RNLS: variants seen among roughly 807,000 people sequenced by gnomAD.
The protein encoded by RNLS is renalase.
In RNLS, 39 loss-of-function variants were observed where a neutral mutation model predicts 39.8. The ratio of observed to expected loss-of-function variants is 0.98; its 90% CI spans 0.76 to 1.28. RNLS has a LOEUF of 1.28. Ranked by LOEUF, RNLS falls within the 50% of genes most tolerant of loss-of-function variation. RNLS has a pLI of 0.00. For missense variants in RNLS, 410 were observed against 413.3 expected (o/e 0.99, Z 0.07); for synonymous variants, 147 against 150.7 (o/e 0.98, Z 0.18).
chr10:88,246,343 T>A, the RNLS span, among the ~76,000 whole-genome samples: 1 of 152,196 alleles, frequency 6.6e-6, no homozygotes, highest in Admixed American at 6.5e-5. Flanking sequence ...GTCATGAACC[T>A]CTCAGCTCAT....
At chr10:88,266,732 CACA>C in the RNLS span, among the ~76,000 whole-genome samples, 717 of 149,214 alleles carry the variant, frequency 4.8e-3, 2 homozygotes, top group Non-Finnish European at 8.3e-3. Context: ...CACACACACA[CACA>C]CCCCACACAC....
At chr10:88,361,820 T>G (rs1004047587) in intron 5 of RNLS, among the ~76,000 whole-genome samples, 26 of 152,332 alleles carry the variant, frequency 1.7e-4, no homozygotes, top group African/African-American at 5.0e-4. Context: ...TTTAGTCATT[T>G]TACATCCTTA....
At chr10:88,373,801 T>C (rs916299313) in intron 4 of RNLS, among the ~76,000 whole-genome samples, 22 of 152,106 alleles carry the variant, frequency 1.4e-4, no homozygotes, top group African/African-American at 5.1e-4. Flanking sequence ...CATTTTCCCT[T>C]ATTTCCCACC....
At chr10:88,443,805 G>A (rs1841872194) in intron 4 of RNLS, among the ~76,000 whole-genome samples, 2 of 152,252 alleles carry the variant, frequency 1.3e-5, no homozygotes, top group South Asian at 4.1e-4. Context: ...GGCTTGAGTA[G>A]GTAAACAAAG....
rs550138837 is a variant in RNLS at position 88,563,934 on chromosome 10, C to G, written c.526+8969G>C. On this transcript the variant is annotated intron_variant, in intron 4 of 6. Transcript: ENST00000331772. The stretch of plus-strand genomic sequence containing the variant: ...ACTTTTCTACATTGAAATAAAGTAG[C>G]ATTTCCTTAATTTGTGGTTGTATTT... 1.2e-4 allele frequency among the ~76,000 whole-genome samples: 18 copies of G among 152,212 alleles called. No homozygotes were observed. In the South Asian group the frequency reaches 3.7e-3, roughly 32 times the overall value.
intron 5 of RNLS, among the ~76,000 whole-genome samples, chr10:88,343,232 G>A (rs969244206): frequency 1.3e-5 from 2 of 152,172 alleles, no homozygotes; most frequent in South Asian, 4.1e-4. Context: ...GGAAAAGCCA[G>A]TTAAAATAAG....
chr10:88,313,070 G>C (rs1174390929), intron 6 of RNLS, among the ~76,000 whole-genome samples: 2 of 152,072 alleles, frequency 1.3e-5, no homozygotes, highest in East Asian at 3.9e-4. Flanking sequence ...TCATTGCTAG[G>C]GTTTGGAGGT....
intron 4 of RNLS, among the ~76,000 whole-genome samples, chr10:88,555,429 C>A (rs746386086): frequency 2.0e-5 from 3 of 151,774 alleles, no homozygotes; most frequent in Non-Finnish European, 4.4e-5. Flanking sequence ...TGCCTTGGTG[C>A]CTTCCCTATG....
chr10:88,523,914 A>G lies in RNLS; in HGVS notation c.526+48989T>C, dbSNP rs188713153. Among the ~76,000 whole-genome samples the G allele has an allele frequency of 2.3e-3, 355 of 152,218 alleles. 2 individuals are homozygous for G. Among genetic ancestry groups the G allele is most frequent in the African/African-American group, 7.9e-3 (330 of 41,558 alleles). On this transcript the variant is annotated intron_variant, in intron 4 of 6. Coordinates refer to ENST00000331772, the MANE Select transcript of RNLS (RefSeq NM_001031709.3). ...CTGCCGACCTACATCTTCCTGGTAC[A>G]TGGATTTTCCACAAGGATCACTGTC...
the RNLS span, among the ~76,000 whole-genome samples, chr10:88,250,808 C>CG: frequency 6.6e-6 from 1 of 152,182 alleles, no homozygotes; most frequent in Non-Finnish European, 1.5e-5. Flanking sequence ...ACTCAAACTT[C>CG]AATAGCTTGA....
intron 4 of RNLS, among the ~76,000 whole-genome samples, chr10:88,366,169 G>T (rs1428858969): frequency 2.6e-5 from 4 of 152,142 alleles, no homozygotes; most frequent in Admixed American, 2.6e-4. Context: ...CAGGTAAAGG[G>T]ATACATAACA....
chr10:88,573,307 A>G (rs1288385960), intron 3 of RNLS, among the ~76,000 whole-genome samples: 1 of 152,228 alleles, frequency 6.6e-6, no homozygotes, highest in East Asian at 1.9e-4. Context: ...TAGTGATAAA[A>G]ATAAAAATAA....
At chr10:88,192,073 A>G in the RNLS span, among the ~76,000 whole-genome samples, 2 of 151,928 alleles carry the variant, frequency 1.3e-5, no homozygotes, top group Admixed American at 6.6e-5. Context: ...ACAAGTACGT[A>G]AGGCACTTTC....
intron 6 of RNLS, among the ~76,000 whole-genome samples, chr10:88,278,623 A>G (rs1285022706): frequency 1.3e-5 from 2 of 152,160 alleles, no homozygotes; most frequent in Non-Finnish European, 2.9e-5. Context: ...CATACACAAC[A>G]TACCAACTAC....
At chr10:88,306,136 C>A (rs1236760977) in intron 6 of RNLS, among the ~76,000 whole-genome samples, 1 of 151,988 alleles carries the variant, frequency 6.6e-6, no homozygotes, top group Admixed American at 6.6e-5. Flanking sequence ...TTAATGAGAA[C>A]AACGATACAA....
Position 88,569,098 on chromosome 10 carries a change from G to T in RNLS, c.526+3805C>A, listed in dbSNP as rs566327528. 2.0e-5 allele frequency among the ~76,000 whole-genome samples: 3 copies of T among 152,276 alleles called. No homozygotes were observed. The East Asian group carries it at 5.8e-4, about 29-fold the overall frequency. On this transcript the variant is annotated intron_variant, in intron 4 of 6. Coordinates refer to ENST00000331772, the MANE Select transcript of RNLS (RefSeq NM_001031709.3). The stretch of plus-strand genomic sequence containing the variant: ...AACATTCTGCACCCAGACCCTTGAT[G>T]TGAACATAATATGGTGTACCCTTCT...
At chr10:88,485,921 A>T (rs1042630103) in intron 4 of RNLS, among the ~76,000 whole-genome samples, 5 of 152,118 alleles carry the variant, frequency 3.3e-5, no homozygotes, top group African/African-American at 1.2e-4. Flanking sequence ...AAAGTAACCT[A>T]GTCATTAACC....
At chr10:88,523,045 T>A (rs2134204259) in intron 4 of RNLS, among the ~76,000 whole-genome samples, 1 of 152,196 alleles carries the variant, frequency 6.6e-6, no homozygotes, top group East Asian at 1.9e-4. Flanking sequence ...GCTATATATT[T>A]AAACAGCTGT....
chr10:88,241,531 TA>T, the RNLS span, among the ~76,000 whole-genome samples: 1 of 152,324 alleles, frequency 6.6e-6, no homozygotes, highest in African/African-American at 2.4e-5. Context: ...TTCTGCCTCT[TA>T]AAAAAATCAG....
Sources: allele counts gnomAD v4.1 joint callset (sites outside exome capture counted in the v4.1 genomes callset), GRCh38; gene constraint gnomAD v4.1.1; transcripts MANE v1.5; gene names NCBI Gene and HGNC (gene_info 2026-07-23, HGNC 2026-07-21).